Variants in GDAP1 observed in about 807,000 individuals in gnomAD.
The protein encoded by GDAP1 is ganglioside induced differentiation associated protein 1.
Under a neutral mutation model 40.1 loss-of-function variants are expected in GDAP1, and 34 were observed. That is an observed-to-expected ratio of 0.85 (90% CI 0.64 to 1.13). The LOEUF is 1.13. Among genes scored for constraint, GDAP1 ranks in the 50% most tolerant of loss-of-function variants. The probability of loss-of-function intolerance (pLI) is 0.00; values close to 1 mark genes in which losing one functional copy is unlikely to be tolerated. For missense variants in GDAP1, 374 were observed against 433.7 expected, an observed-to-expected ratio of 0.86 and a Z score of 1.22; for synonymous variants, 170 against 157.4, an observed-to-expected ratio of 1.08 and a Z score of -0.60.
At chr8:74,350,729 C>T (rs1252031178) in intron 1 of GDAP1, 151 bp downstream of exon 1, 2 of 706,884 alleles carry the variant, frequency 2.8e-6, no homozygotes, top group Non-Finnish European at 5.1e-6. Flanking sequence ...GGCGGGGACG[C>T]GCCCGGGTGG....
chr8:74,457,541 G>T (rs907479839), intron 2 of GDAP1, among the ~76,000 whole-genome samples: 2 of 151,734 alleles, frequency 1.3e-5, no homozygotes, highest in African/African-American at 4.8e-5. Context: ...AATGTTATCA[G>T]ATTGTTTCAA....
rs112700345 is a variant in GDAP1 at position 74,436,713 on chromosome 8, C to T, written c.166-51965C>T. Among the ~76,000 whole-genome samples the T allele has an allele frequency of 5.1e-3, 780 of 152,260 alleles. 5 individuals carry two copies. The highest frequency in any genetic ancestry group is 0.016 in the African/African-American group (670 of 41,534). ...CTGGGATTATAGGCGTGAGCCACTGCGCCCGGCCACCATCTCTTCCTTTAA... is the reference window on the plus strand; with the variant it reads ...CTGGGATTATAGGCGTGAGCCACTGTGCCCGGCCACCATCTCTTCCTTTAA... On this transcript the variant is annotated intron_variant, in intron 2 of 2. Coordinates refer to the GDAP1 transcript ENST00000523640.
At position 74,364,121 on chromosome 8, in the gene GDAP1, A is replaced by G; in HGVS notation, c.831A>G (p.Glu277=). ...GAAACGGAAAGCGACCAAACTTGGAAACCTATTACGAGCGTGTCTTGAAGA... is the reference window on the plus strand; with the variant it reads ...GAAACGGAAAGCGACCAAACTTGGAGACCTATTACGAGCGTGTCTTGAAGA... ...NWGNGKRPNL[E]TYYERVLKRK... Residue 277 remains glutamate, a synonymous_variant, in exon 6 of 6, where the codon GAA becomes GAG. Transcript: ENST00000220822. 1 of 1,614,190 alleles carries G rather than the reference A, an allele frequency of 6.2e-7. No individual in the cohort carries two copies. The highest frequency in any genetic ancestry group is 1.7e-5 in the Admixed American group (1 of 60,024).
intron 2 of GDAP1, among the ~76,000 whole-genome samples, chr8:74,482,220 T>C (rs765113856): frequency 2.0e-4 from 31 of 151,762 alleles, no homozygotes; most frequent in Non-Finnish European, 4.3e-4. Context: ...GCATCAAACC[T>C]ATGGAGTTCA....
intron 2 of GDAP1, among the ~76,000 whole-genome samples, chr8:74,443,230 G>A (rs979716526): frequency 2.0e-5 from 3 of 152,138 alleles, no homozygotes; most frequent in African/African-American, 7.2e-5. Context: ...GGGAAGGCAG[G>A]GAGCCTGATC....
At chr8:74,485,543 A>G (rs1806765898) in intron 2 of GDAP1, among the ~76,000 whole-genome samples, 1 of 152,214 alleles carries the variant, frequency 6.6e-6, no homozygotes, top group Non-Finnish European at 1.5e-5. Context: ...AGAGCAATAC[A>G]AGATCCGATA....
At chr8:74,369,974 A>G (rs1193014339), downstream of GDAP1, among the ~76,000 whole-genome samples, 3 of 152,186 alleles carry the variant, frequency 2.0e-5, no homozygotes, top group Non-Finnish European at 4.4e-5. Flanking sequence ...ATCCAGAGAA[A>G]ATACCCCTTA....
intron 2 of GDAP1, among the ~76,000 whole-genome samples, chr8:74,467,337 A>T (rs1586843773): frequency 6.6e-6 from 1 of 152,180 alleles, no homozygotes. Flanking sequence ...AGCATGGTTA[A>T]ATGGTTTCTG....
intron 2 of GDAP1, among the ~76,000 whole-genome samples, chr8:74,352,536 G>T (rs148692463): frequency 1.3e-5 from 2 of 152,346 alleles, no homozygotes; most frequent in Non-Finnish European, 2.9e-5. Flanking sequence ...TAGATGGTGG[G>T]CAGTGGCGAG....
At chr8:74,486,192 A>C (rs532229916) in intron 2 of GDAP1, among the ~76,000 whole-genome samples, 1 of 152,290 alleles carries the variant, frequency 6.6e-6, no homozygotes, top group East Asian at 1.9e-4. Context: ...ATCAGATGAC[A>C]TGTCTCTTCT....
Position 74,365,856 on chromosome 8 carries a change from A to G in GDAP1, c.*1489A>G, listed in dbSNP as rs1233967141. 1 of 439,492 alleles carries G rather than the reference A, an allele frequency of 2.3e-6. No individual in the cohort carries two copies. The highest frequency in any genetic ancestry group is 4.4e-6 in the Non-Finnish European group (1 of 226,530). The allele number at this position is 439,492 out of a possible 1,614,324, so 27.2% of individuals were successfully genotyped here. Reference sequence around the variant, plus strand: ...ATAATTGAGTAGCAGCTTTTATAACATTTAAAATTTGCACATGAGTGTGTT... The same window carrying G: ...ATAATTGAGTAGCAGCTTTTATAACGTTTAAAATTTGCACATGAGTGTGTT... On this transcript the variant is annotated 3_prime_UTR_variant, in exon 6 of 6. Coordinates refer to ENST00000220822, the MANE Select transcript of GDAP1 (RefSeq NM_018972.4).
downstream of GDAP1, among the ~76,000 whole-genome samples, chr8:74,369,724 T>C (rs1251011970): frequency 6.6e-6 from 1 of 151,748 alleles, no homozygotes; most frequent in African/African-American, 2.4e-5. Context: ...ATCACTGAAC[T>C]CAGTGAAAGA....
At position 74,450,589 on chromosome 8, in the gene GDAP1, A is replaced by G. The variant is rs73331367; in HGVS notation, c.166-38089A>G. ...AGTATTTTGAAGTCTACTTTTTTAT[A>G]TTGATGTAACCACTTCAGTTTCCTT... On this transcript the variant is annotated intron_variant, in intron 2 of 2. Transcript: ENST00000523640. 7.8e-4 allele frequency among the ~76,000 whole-genome samples: 119 copies of G among 152,022 alleles called. 1 individual carries two copies. Among genetic ancestry groups the G allele is most frequent in the African/African-American group, 2.4e-3 (99 of 41,538 alleles).
intron 2 of GDAP1, among the ~76,000 whole-genome samples, chr8:74,404,735 C>T (rs1805615843): frequency 6.7e-6 from 1 of 149,764 alleles, no homozygotes; most frequent in Admixed American, 6.6e-5. Flanking sequence ...GAACCTATGT[C>T]AGTGTTATCT....
At chr8:74,384,076 C>T (rs1478121728) in intron 2 of GDAP1, among the ~76,000 whole-genome samples, 1 of 152,096 alleles carries the variant, frequency 6.6e-6, no homozygotes, top group African/African-American at 2.4e-5. Context: ...ATACAATCAG[C>T]TGAATTCAGA....
intron 2 of GDAP1, among the ~76,000 whole-genome samples, chr8:74,431,072 CT>C (rs1161069530): frequency 6.8e-5 from 10 of 147,280 alleles, no homozygotes; most frequent in African/African-American, 2.3e-4. Flanking sequence ...TTCTTTCTTT[CT>C]TTTTTTAATT....
At chr8:74,370,515 C>G (rs183955726), downstream of GDAP1, among the ~76,000 whole-genome samples, 224 of 152,050 alleles carry the variant, frequency 1.5e-3, no homozygotes, top group South Asian at 0.015. Context: ...TGGAGGAACA[C>G]TAAAATTTAA....
At chr8:74,371,615 G>C (rs986321530), downstream of GDAP1, among the ~76,000 whole-genome samples, 19 of 151,052 alleles carry the variant, frequency 1.3e-4, no homozygotes, top group Non-Finnish European at 2.4e-4. Context: ...AGCCGAGATC[G>C]CGCCACTGCA....
At chr8:74,432,068 C>T (rs1442778890) in intron 2 of GDAP1, among the ~76,000 whole-genome samples, 1 of 152,090 alleles carries the variant, frequency 6.6e-6, no homozygotes, top group Non-Finnish European at 1.5e-5. Flanking sequence ...TTTCTCTAAA[C>T]TTTAATATAT....
Sources: allele counts gnomAD v4.1 joint callset (sites outside exome capture counted in the v4.1 genomes callset), GRCh38; gene constraint gnomAD v4.1.1; transcripts MANE v1.5; gene names NCBI Gene and HGNC (gene_info 2026-07-23, HGNC 2026-07-21).